Variants in PCDHGA5 observed in about 807,000 individuals in gnomAD.
PCDHGA5 encodes the protein protocadherin gamma-A5.
A neutral mutation model predicts 56.7 loss-of-function variants in PCDHGA5; 36 were observed. The ratio of observed to expected loss-of-function variants is 0.64; its 90% CI spans 0.49 to 0.84. The LOEUF (loss-of-function observed/expected upper bound fraction) is 0.84, where lower values mean the gene tolerates loss of function less well. Among genes scored for constraint, PCDHGA5 ranks in the 40% least tolerant of loss-of-function variants. The pLI, the probability that PCDHGA5 is intolerant of heterozygous loss-of-function variation, is 0.00. For synonymous variants in PCDHGA5, 563 were observed against 520.2 expected, an observed-to-expected ratio of 1.08 and a Z score of -1.12; for missense variants, 1,305 against 1,201.5, an observed-to-expected ratio of 1.09 and a Z score of -1.27.
intron 1 of PCDHGA5, chr5:141,430,688 A>G: frequency 1.4e-6 from 2 of 1,402,360 alleles, no homozygotes; most frequent in Non-Finnish European, 1.9e-6. Context: ...GTCCCATTCT[A>G]TGGGCGAAGG....
In PCDHGA5 at chr5:141,491,771, G is replaced by C. The variant is rs760915700; in HGVS notation, c.2422-3036G>C. ...GGAGAAGCCGCCCGTCCTCATAAGG[G>C]ATTGAACTTGCATCCACTCCTCTCC... On this transcript the variant is annotated intron_variant, in intron 1 of 3. Coordinates refer to ENST00000518069, the MANE Select transcript of PCDHGA5 (RefSeq NM_018918.3). The surrounding 1 kb of genome is among the most constrained non-coding windows in gnomAD (Gnocchi z 6.9). 6.4e-7 allele frequency: 1 copy of C among 1,558,290 alleles called. No individual in the cohort carries two copies. Among genetic ancestry groups the C allele is most frequent in the Non-Finnish European group, 8.7e-7 (1 of 1,153,586 alleles).
chr5:141,393,194 C>T (rs770162660), intron 1 of PCDHGA5: 4 of 1,613,360 alleles, frequency 2.5e-6, no homozygotes, highest in Non-Finnish European at 2.5e-6. Flanking sequence ...TTGATATTAA[C>T]GATAATAACC....
At chr5:141,372,302 G>C in intron 1 of PCDHGA5, 1 of 1,613,340 alleles carries the variant, frequency 6.2e-7, no homozygotes, top group Non-Finnish European at 8.5e-7. Flanking sequence ...GCGACAGGGA[G>C]GCCGCCCGCC....
chr5:141,465,858 C>T (rs2099110865), intron 1 of PCDHGA5, among the ~76,000 whole-genome samples: 1 of 152,034 alleles, frequency 6.6e-6, no homozygotes, highest in African/African-American at 2.4e-5. Context: ...CCCAGTGGCT[C>T]ATGCCTGTAA....
chr5:141,374,708 C>T (rs974732178), intron 1 of PCDHGA5: 3 of 1,609,146 alleles, frequency 1.9e-6, no homozygotes, highest in South Asian at 2.2e-5. Flanking sequence ...AGCCGTTTAC[C>T]GCCTGGTCCT....
Position 141,486,362 on chromosome 5 carries a change from C to A in PCDHGA5, c.2422-8445C>A. On this transcript the variant is annotated intron_variant, in intron 1 of 3. Coordinates refer to ENST00000518069, the MANE Select transcript of PCDHGA5 (RefSeq NM_018918.3). The surrounding 1 kb of genome is among the most constrained non-coding windows in gnomAD (Gnocchi z 5.0). ...CATTCCTGACCACTTGCCATTTGCC[C>A]TCAAGTCTGCCTTCAGGAACCAGTT... The A allele has an allele frequency of 6.2e-7, 1 of 1,614,132 alleles. No individual in the cohort carries two copies. The highest frequency in any genetic ancestry group is 1.7e-5 in the Admixed American group (1 of 60,024).
chr5:141,388,712 G>A, intron 1 of PCDHGA5: 1 of 1,613,986 alleles, frequency 6.2e-7, no homozygotes. Flanking sequence ...TCAATGCCGA[G>A]ATTACTTTCT....
At chr5:141,405,410 T>C (rs1483035668) in intron 1 of PCDHGA5, 2 of 1,557,296 alleles carry the variant, frequency 1.3e-6, no homozygotes, top group Non-Finnish European at 1.8e-6. Context: ...TTCTTTTCTT[T>C]TTTTGTTTTT....
intron 1 of PCDHGA5, chr5:141,421,352 AGG>A: frequency 6.2e-7 from 1 of 1,613,946 alleles, no homozygotes; most frequent in Non-Finnish European, 8.5e-7. Context: ...GAGACCGAAA[AGG>A]GCTCCTTCGT....
At chr5:141,420,073 G>A (rs2096463936) in intron 1 of PCDHGA5, 23 of 1,613,964 alleles carry the variant, frequency 1.4e-5, no homozygotes, top group Non-Finnish European at 1.9e-5. Context: ...CCGGACCTGT[G>A]GGTCCCCCCA....
chr5:141,452,148 T>C (rs1294195346), intron 1 of PCDHGA5, among the ~76,000 whole-genome samples: 1 of 152,228 alleles, frequency 6.6e-6, no homozygotes, highest in Non-Finnish European at 1.5e-5. Flanking sequence ...TTTTTTCCAA[T>C]GAGTTATATT....
chr5:141,374,622 T>A, intron 1 of PCDHGA5: 3 of 1,613,470 alleles, frequency 1.9e-6, no homozygotes, highest in Non-Finnish European at 2.5e-6. Context: ...CACTTCTCAG[T>A]GGACGTGCAA....
At chr5:141,419,290 T>C (rs1160812369) in intron 1 of PCDHGA5, 1 of 1,613,914 alleles carries the variant, frequency 6.2e-7, no homozygotes, top group African/African-American at 1.3e-5. Context: ...TCAGTGCCTC[T>C]GACCCAGACT....
At chr5:141,438,763 G>C (rs537316602) in intron 1 of PCDHGA5, among the ~76,000 whole-genome samples, 1 of 149,962 alleles carries the variant, frequency 6.7e-6, no homozygotes, top group South Asian at 2.1e-4. Context: ...CTGGGTTCAA[G>C]CGATTCTCCT....
At chr5:141,495,804 T>G (rs894259635) in intron 2 of PCDHGA5, among the ~76,000 whole-genome samples, 1 of 152,168 alleles carries the variant, frequency 6.6e-6, no homozygotes, top group South Asian at 2.1e-4. Flanking sequence ...TTTCACCGTT[T>G]CCTAGCGCCT....
intron 1 of PCDHGA5, chr5:141,391,496 G>C (rs1256159469): frequency 6.6e-6 from 1 of 151,988 alleles, no homozygotes; most frequent in Non-Finnish European, 1.5e-5. Flanking sequence ...GTTTTCAGTA[G>C]AGAAAATATT....
rs1765306389 is a variant in PCDHGA5 at position 141,367,734 on chromosome 5, C to G, written c.2421+983C>G. On this transcript the variant is annotated intron_variant, in intron 1 of 3. Transcript: ENST00000518069. The stretch of plus-strand genomic sequence containing the variant: ...TTGGGCTTCGTTCTGTGATGTAAAG[C>G]CTCCAGAGAGTTACATACTGCTGCA... 3 of 152,132 alleles carry G rather than the reference C, an allele frequency of 2.0e-5. No homozygotes were observed. In the South Asian group the frequency reaches 6.2e-4, roughly 32 times the overall value. The allele number at this position is 152,132 out of a possible 1,614,324, so 9.4% of individuals were successfully genotyped here. A position where few individuals can be genotyped will look rare whatever the true frequency, so the allele number is the denominator to read the frequency against.
Position 141,432,473 on chromosome 5 carries a change from T to G in PCDHGA5, c.2422-62334T>G. On this transcript the variant is annotated intron_variant, in intron 1 of 3. Coordinates refer to ENST00000518069, the MANE Select transcript of PCDHGA5 (RefSeq NM_018918.3). The surrounding 1 kb of genome is among the most constrained non-coding windows in gnomAD (Gnocchi z 6.0). ...GTACCCCGCCCTCCCCACGGACGGT[T>G]CCACTGGCGTGGAGCTGGCTCCCCG... 1 of 1,614,180 alleles carries G rather than the reference T, an allele frequency of 6.2e-7. No individual in the cohort carries two copies. The highest frequency in any genetic ancestry group is 1.1e-5 in the South Asian group (1 of 91,078).
intron 1 of PCDHGA5, chr5:141,374,742 C>T (rs1382250910): frequency 8.7e-6 from 14 of 1,611,846 alleles, no homozygotes; most frequent in African/African-American, 1.3e-5. Flanking sequence ...GGCGGCGACC[C>T]TGTCCGCTCA....
Sources: allele counts gnomAD v4.1 joint callset (sites outside exome capture counted in the v4.1 genomes callset), GRCh38; gene constraint gnomAD v4.1.1; non-coding constraint Gnocchi (gnomAD v3.1); transcripts MANE v1.5; gene names NCBI Gene and HGNC (gene_info 2026-07-23, HGNC 2026-07-21).